Variants in LCORL observed in about 807,000 individuals in gnomAD.
The protein encoded by LCORL is ligand-dependent nuclear receptor corepressor-like protein.
In LCORL, 41 loss-of-function variants were observed where a neutral mutation model predicts 141.8. The ratio of observed to expected loss-of-function variants is 0.29; its 90% CI spans 0.23 to 0.38. The LOEUF (loss-of-function observed/expected upper bound fraction) is 0.38. Among genes scored for constraint, LCORL ranks in the 10% least tolerant of loss-of-function variants. The pLI, the probability that LCORL is intolerant of heterozygous loss-of-function variation, is 1.00. For missense variants in LCORL, 1,759 were observed against 2,035.0 expected (o/e 0.86, Z 2.61); for synonymous variants, 618 against 694.1 (o/e 0.89, Z 1.72).
At chr4:17,970,731 A>G (rs1433539792) in intron 2 of LCORL, among the ~76,000 whole-genome samples, 1 of 152,214 alleles carries the variant, frequency 6.6e-6, no homozygotes, top group Admixed American at 6.5e-5. Flanking sequence ...TACATTTAAG[A>G]TAATCCACAA....
At chr4:17,861,063 C>T (rs779436396) in intron 7 of LCORL, among the ~76,000 whole-genome samples, 1 of 152,186 alleles carries the variant, frequency 6.6e-6, no homozygotes, top group Non-Finnish European at 1.5e-5. Context: ...TTTGGTGGAT[C>T]TACCATTCTG....
At chr4:17,933,654 A>G in intron 4 of LCORL, among the ~76,000 whole-genome samples, 1 of 151,932 alleles carries the variant, frequency 6.6e-6, no homozygotes, top group Non-Finnish European at 1.5e-5. Context: ...ATGATGTACT[A>G]TTCTTCTGTT....
chr4:17,981,872 A>G (rs1318465901), intron 1 of LCORL, among the ~76,000 whole-genome samples: 1 of 151,936 alleles, frequency 6.6e-6, no homozygotes, highest in African/African-American at 2.4e-5. Flanking sequence ...CCCAATAGTT[A>G]TTTTTTCTGA....
intron 4 of LCORL, among the ~76,000 whole-genome samples, chr4:17,955,788 A>C (rs1479626341): frequency 6.6e-6 from 1 of 152,132 alleles, no homozygotes; most frequent in African/African-American, 2.4e-5. Context: ...AAATATGACA[A>C]AGGCAAAGAG....
rs1245366145 is a variant in LCORL at position 17,971,975 on chromosome 4, AAGTT to A, written c.220+841_220+844del. ...GCCTAATAAGAAATGTATTCATGTT[AAGTT>A]AAAAAAATTTTTTTAATTGATCAAA... On this transcript the variant is annotated intron_variant, in intron 2 of 7. Coordinates refer to ENST00000635767, the Ensembl canonical transcript of LCORL. 2.6e-5 allele frequency among the ~76,000 whole-genome samples: 4 copies of A among 151,812 alleles called. No individual in the cohort carries two copies. In the East Asian group the frequency reaches 7.7e-4, roughly 29 times the overall value.
intron 5 of LCORL, among the ~76,000 whole-genome samples, chr4:17,897,633 T>C (rs1346505959): frequency 6.6e-6 from 1 of 152,226 alleles, no homozygotes; most frequent in African/African-American, 2.4e-5. Context: ...TTTCAGTTTC[T>C]GGTTCTCATA....
chr4:17,897,607 T>TA (rs1261968681), intron 5 of LCORL, among the ~76,000 whole-genome samples: 1 of 152,196 alleles, frequency 6.6e-6, no homozygotes. Flanking sequence ...TAGAGACTAC[T>TA]AACTCTGGGG....
At chr4:17,919,478 T>A (rs537948230) in intron 4 of LCORL, among the ~76,000 whole-genome samples, 1 of 152,346 alleles carries the variant, frequency 6.6e-6, no homozygotes, top group Admixed American at 6.5e-5. Flanking sequence ...ACATATTAGA[T>A]ATTGCAGGTT....
At chr4:17,951,973 A>G (rs1269407045) in intron 4 of LCORL, among the ~76,000 whole-genome samples, 1 of 152,232 alleles carries the variant, frequency 6.6e-6, no homozygotes, top group Non-Finnish European at 1.5e-5. Context: ...TGGTAAATTC[A>G]TGAGTTACTC....
Position 17,906,299 on chromosome 4 carries a change from C to T in LCORL, c.682+2795G>A, listed in dbSNP as rs1056559022. The stretch of plus-strand genomic sequence containing the variant: ...AAAGAAAATCTGATCTTGTTACTTT[C>T]AGTCTGGTAGCTTTCTATGACCCTA... On this transcript the variant is annotated intron_variant, in intron 5 of 7. Coordinates refer to ENST00000635767, the Ensembl canonical transcript of LCORL. 4.6e-5 allele frequency among the ~76,000 whole-genome samples: 7 copies of T among 152,150 alleles called. No homozygotes were observed. In the South Asian group the frequency reaches 1.4e-3, roughly 32 times the overall value.
intron 2 of LCORL, among the ~76,000 whole-genome samples, chr4:17,965,462 TTTTGAAACTGTAATGCA>T (rs1432523659): frequency 6.6e-6 from 1 of 152,160 alleles, no homozygotes; most frequent in Non-Finnish European, 1.5e-5. Flanking sequence ...TTATCTCTCT[TTTTGAAACTGTAATGCA>T]TAAACTCAAA....
chr4:17,936,794 A>C (rs80075038), intron 4 of LCORL, among the ~76,000 whole-genome samples: 11,288 of 152,122 alleles, frequency 0.074, 598 homozygotes, highest in South Asian at 0.12. Context: ...TTTTTGCAGT[A>C]GGGGTGGCAC....
At chr4:17,848,570 C>G (rs1577232290) in intron 7 of LCORL, among the ~76,000 whole-genome samples, 1 of 152,204 alleles carries the variant, frequency 6.6e-6, no homozygotes, top group East Asian at 1.9e-4. Context: ...CAAATAGGAA[C>G]AGCTCAGGTC....
chr4:17,999,732 A>G (rs923125590), intron 1 of LCORL, among the ~76,000 whole-genome samples: 1 of 152,220 alleles, frequency 6.6e-6, no homozygotes, highest in African/African-American at 2.4e-5. Flanking sequence ...AATTGTTTTA[A>G]GGACACTAGT....
rs180734243 is a variant in LCORL at position 17,845,998 on chromosome 4, T to C, written c.5603-97A>G. 14 of 992,234 alleles carry C rather than the reference T, an allele frequency of 1.4e-5. No homozygotes were observed. The Admixed American group carries it at 2.9e-4, about 21-fold the overall frequency. The allele number at this position is 992,234 out of a possible 1,614,324, so 61.5% of individuals were successfully genotyped here. On this transcript the variant is annotated intron_variant, in intron 7 of 7. Coordinates refer to ENST00000635767, the Ensembl canonical transcript of LCORL. ...ATTTAGTTGTAGTAGTGTTTGGACC[T>C]CTAAATTTTAGCATACATAAAGCAT...
intron 4 of LCORL, among the ~76,000 whole-genome samples, chr4:17,945,336 C>T (rs147482273): frequency 2.4e-4 from 36 of 151,192 alleles, no homozygotes; most frequent in African/African-American, 5.1e-4. Context: ...ACTCATGACA[C>T]GACAGAACTT....
chr4:17,878,561 T>C (rs1727160897), intron 6 of LCORL, among the ~76,000 whole-genome samples: 1 of 151,414 alleles, frequency 6.6e-6, no homozygotes, highest in Non-Finnish European at 1.5e-5. Context: ...AGCCATTTTA[T>C]AAATTATTCT....
intron 6 of LCORL, chr4:17,882,672 T>C (rs1727731975): frequency 1.0e-6 from 1 of 984,732 alleles, no homozygotes; most frequent in Non-Finnish European, 1.2e-6. Flanking sequence ...AAATCTGCAA[T>C]TCATTTTGAT....
At chr4:17,895,881 T>A (rs1176041182) in intron 5 of LCORL, among the ~76,000 whole-genome samples, 1 of 152,240 alleles carries the variant, frequency 6.6e-6, no homozygotes, top group Non-Finnish European at 1.5e-5. Flanking sequence ...AGTACTCCTT[T>A]CTATTGTTGA....
Sources: gnomAD v4.1 joint callset for allele counts (sites outside exome capture counted in the v4.1 genomes callset) on GRCh38, gnomAD v4.1.1 for gene constraint, MANE v1.5 for transcripts, NCBI Gene and HGNC (gene_info 2026-07-23, HGNC 2026-07-21) for gene names.